The following SYNE3 variants were observed in gnomAD, a reference collection of about 807,000 sequenced individuals.
SYNE3 encodes spectrin repeat containing nuclear envelope family member 3.
SYNE3 carries 100 observed loss-of-function variants against 111.2 expected under a neutral mutation model. That is an observed-to-expected ratio of 0.90 (90% CI 0.77 to 1.06). The LOEUF (loss-of-function observed/expected upper bound fraction) is 1.06, where lower values mean the gene tolerates loss of function less well. Ranked by LOEUF, SYNE3 falls within the 50% of genes least tolerant of loss-of-function variation. The pLI, the probability that SYNE3 is intolerant of heterozygous loss-of-function variation, is 0.00. For missense variants in SYNE3, 1,160 were observed against 1,240.3 expected (o/e 0.94, Z 0.97); for synonymous variants, 547 against 533.9 (o/e 1.02, Z -0.34).
intron 1 of SYNE3, among the ~76,000 whole-genome samples, chr14:95,476,547 T>C (rs893903903): frequency 6.6e-6 from 1 of 152,272 alleles, no homozygotes; most frequent in African/African-American, 2.4e-5. Flanking sequence ...CCCCTTTTGC[T>C]GGACTGTCCA....
chr14:95,490,178 G>C (rs559977355), intron 1 of SYNE3, among the ~76,000 whole-genome samples: 2 of 152,240 alleles, frequency 1.3e-5, no homozygotes, highest in African/African-American at 2.4e-5. Flanking sequence ...ACGCTGCTGA[G>C]AGGCCCTGCC....
At chr14:95,484,239 G>A (rs1324543858) in intron 1 of SYNE3, among the ~76,000 whole-genome samples, 2 of 152,174 alleles carry the variant, frequency 1.3e-5, no homozygotes, top group Admixed American at 1.3e-4. Flanking sequence ...GTGTATGCAA[G>A]GTAAAAAGAG....
intron 1 of SYNE3, among the ~76,000 whole-genome samples, chr14:95,490,001 C>G (rs1218234306): frequency 6.6e-6 from 1 of 152,248 alleles, no homozygotes; most frequent in Non-Finnish European, 1.5e-5. Flanking sequence ...CAACTTGCTC[C>G]CAAACCCCAG....
intron 1 of SYNE3, among the ~76,000 whole-genome samples, chr14:95,479,224 CAAAAAAAAAAAAAAA>C (rs71132351): frequency 1.2e-5 from 1 of 86,330 alleles, no homozygotes; most frequent in African/African-American, 4.5e-5. Flanking sequence ...TCGTCTCTAC[CAAAAAAAAAAAAAAA>C]AAAAAAAAAA....
chr14:95,515,354 T>C (rs1223522787), intron 1 of SYNE3, among the ~76,000 whole-genome samples: 1 of 152,214 alleles, frequency 6.6e-6, no homozygotes, highest in African/African-American at 2.4e-5. Context: ...AAACAGCTCG[T>C]TGGCACTGAT....
At chr14:95,441,403 T>C (rs1886407422) in intron 11 of SYNE3, among the ~76,000 whole-genome samples, 1 of 152,184 alleles carries the variant, frequency 6.6e-6, no homozygotes, top group African/African-American at 2.4e-5. Flanking sequence ...AGCTGTGATC[T>C]CCAACATCAG....
rs1393735525 is a variant in SYNE3 at position 95,408,969 on chromosome 14, C to T, written c.*8857G>A. ...CCCTGGGACCTCATCCTGGTGTTGC[C>T]AGCTCCCTTCAGCGGTGGGAGTCAA... On this transcript the variant is annotated 3_prime_UTR_variant, in exon 18 of 18. Coordinates refer to ENST00000682763, the MANE Select transcript of SYNE3 (RefSeq NM_152592.6). The T allele has an allele frequency of 2.8e-6, 1 of 362,756 alleles. No individual in the cohort carries two copies. The highest frequency in any genetic ancestry group is 2.1e-5 in the African/African-American group (1 of 46,960). 22.5% of individuals were successfully genotyped at this position (362,756 alleles called of 1,614,324 possible).
At chr14:95,503,950 G>A (rs1890433590) in intron 1 of SYNE3, among the ~76,000 whole-genome samples, 2 of 152,270 alleles carry the variant, frequency 1.3e-5, no homozygotes. Context: ...GAAATGCTTA[G>A]AAGAGTGACT....
In SYNE3 at chr14:95,439,922, C is replaced by T. The variant is rs749577390; in HGVS notation, c.2065G>A (p.Glu689Lys). ...GPGDAESQEA[E>K]FERLVAEFPE... Reference sequence around the variant, plus strand: ...GGGAACCACCGCCTTACCTCAAACTCGGCCTCTTGGGACTCGGCATCCCCC... The same window carrying T: ...GGGAACCACCGCCTTACCTCAAACTTGGCCTCTTGGGACTCGGCATCCCCC... Residue 689 changes from glutamate to lysine, a missense_variant, in exon 12 of 18, where the codon GAG (glutamate) becomes AAG (lysine). Coordinates refer to ENST00000682763, the MANE Select transcript of SYNE3 (RefSeq NM_152592.6). 8 of 1,612,024 alleles carry T rather than the reference C, an allele frequency of 5.0e-6. No homozygotes were observed. The highest frequency in any genetic ancestry group is 4.5e-5 in the East Asian group (2 of 44,868).
chr14:95,432,840 C>G (rs1331157990), intron 16 of SYNE3, among the ~76,000 whole-genome samples: 1 of 152,054 alleles, frequency 6.6e-6, no homozygotes, highest in Non-Finnish European at 1.5e-5. Flanking sequence ...CAGGCTGGCT[C>G]TGCCACTGAC....
At chr14:95,471,498 G>A (rs974493635) in intron 2 of SYNE3, among the ~76,000 whole-genome samples, 3 of 152,190 alleles carry the variant, frequency 2.0e-5, no homozygotes, top group African/African-American at 7.2e-5. Context: ...CCAAAGGCAG[G>A]CAAGACACCA....
At chr14:95,482,866 A>T (rs1273178404) in intron 1 of SYNE3, among the ~76,000 whole-genome samples, 1 of 152,184 alleles carries the variant, frequency 6.6e-6, no homozygotes, top group African/African-American at 2.4e-5. Context: ...AGGTTTAATG[A>T]TACTAACAAC....
At chr14:95,436,534 C>G (rs573651200) in intron 15 of SYNE3, among the ~76,000 whole-genome samples, 2 of 152,326 alleles carry the variant, frequency 1.3e-5, no homozygotes, top group Admixed American at 1.3e-4. Flanking sequence ...CAGCCACAAA[C>G]TGTTGGGATG....
rs1348073866 is a variant in SYNE3, at chr14:95,433,351, C to T, written c.2597G>A (p.Gly866Glu). The T allele has an allele frequency of 1.9e-6, 3 of 1,614,110 alleles. No homozygotes were observed. The highest frequency in any genetic ancestry group is 2.5e-6 in the Non-Finnish European group (3 of 1,180,012). Residue 866 changes from glycine (G) to glutamate (E), a missense_variant, in exon 16 of 18, where the codon GGG becomes GAG. By Grantham distance (98) the Gly-to-Glu change is moderately conservative. Coordinates refer to ENST00000682763, the MANE Select transcript of SYNE3 (RefSeq NM_152592.6). ...CTCATCCGAGGTCCCCCTTGCTGGC[C>T]CGAGACGAAGGAGGTTCTCAAAGAG... ...QHLFENLLRL[G>E]PARGTSDELE...
intron 1 of SYNE3, among the ~76,000 whole-genome samples, chr14:95,506,457 C>T (rs560885872): frequency 6.6e-6 from 1 of 152,206 alleles, no homozygotes. Context: ...TTGGCTGGGT[C>T]GACTCTGGCC....
chr14:95,467,730 A>G, intron 3 of SYNE3, 65 bp downstream of exon 3: 1 of 1,587,724 alleles, frequency 6.3e-7, no homozygotes, highest in African/African-American at 1.3e-5. Flanking sequence ...AGAGGGCCCA[A>G]GCTAGTGTCA....
At chr14:95,428,702 T>C (rs1226048800) in intron 17 of SYNE3, among the ~76,000 whole-genome samples, 1 of 152,348 alleles carries the variant, frequency 6.6e-6, no homozygotes, top group South Asian at 2.1e-4. Flanking sequence ...ACAGCACAAC[T>C]GCAACTCAAA....
intron 2 of SYNE3, among the ~76,000 whole-genome samples, chr14:95,471,378 C>A (rs188397969): frequency 6.6e-6 from 1 of 152,244 alleles, no homozygotes; most frequent in Non-Finnish European, 1.5e-5. Context: ...TTCTTATCCT[C>A]ATGAAAGAGG....
At chr14:95,444,733 A>G (rs1886613079) in intron 9 of SYNE3, 105 bp from the exon 10 acceptor site, 13 of 1,390,136 alleles carry the variant, frequency 9.4e-6, no homozygotes, top group Non-Finnish European at 1.2e-5. Flanking sequence ...CGGCCAGCTC[A>G]TGCTCATTCA....
Sources: allele counts gnomAD v4.1 joint callset (sites outside exome capture counted in the v4.1 genomes callset), GRCh38; gene constraint gnomAD v4.1.1; transcripts MANE v1.5; gene names NCBI Gene and HGNC (gene_info 2026-07-23, HGNC 2026-07-21).